The following ITPR2 variants were observed in gnomAD, a reference collection of about 807,000 sequenced individuals.
ITPR2 encodes the protein inositol 1,4,5-trisphosphate receptor type 2.
In ITPR2, 207 loss-of-function variants were observed where a neutral mutation model predicts 317.1. The ratio of observed to expected loss-of-function variants is 0.65; its 90% CI spans 0.58 to 0.73. The LOEUF (loss-of-function observed/expected upper bound fraction) is 0.73, where lower values mean the gene tolerates loss of function less well. Ranked by LOEUF, ITPR2 falls within the 30% of genes least tolerant of loss-of-function variation. The probability of loss-of-function intolerance (pLI) is 0.00; values close to 1 mark genes in which losing one functional copy is unlikely to be tolerated. For synonymous variants in ITPR2, 1,156 were observed against 1,149.1 expected, an observed-to-expected ratio of 1.01 and a Z score of -0.12; for missense variants, 2,613 against 3,284.0, an observed-to-expected ratio of 0.80 and a Z score of 4.99.
At chr12:26,804,973 G>T (rs997002688) in intron 1 of ITPR2, among the ~76,000 whole-genome samples, 4 of 152,004 alleles carry the variant, frequency 2.6e-5, no homozygotes, top group Admixed American at 6.6e-5. Context: ...GGGCTCAAGA[G>T]ATCCACCCAC....
At chr12:26,751,441 C>T (rs146758328) in intron 2 of ITPR2, among the ~76,000 whole-genome samples, 5 of 152,062 alleles carry the variant, frequency 3.3e-5, no homozygotes, top group Admixed American at 1.3e-4. Context: ...CTAGAACCAG[C>T]GTTGTAGCCT....
intron 45 of ITPR2, among the ~76,000 whole-genome samples, chr12:26,461,842 T>C (rs1942040150): frequency 6.6e-6 from 1 of 151,786 alleles, no homozygotes. Flanking sequence ...CAAGGGACTT[T>C]TCAGAATTTT....
chr12:26,823,068 CT>C (rs1474156947), intron 1 of ITPR2, among the ~76,000 whole-genome samples: 1 of 152,018 alleles, frequency 6.6e-6, no homozygotes, highest in Admixed American at 6.6e-5. Context: ...ATGCCACCTC[CT>C]CCTTGAAGCT....
intron 37 of ITPR2, among the ~76,000 whole-genome samples, chr12:26,534,320 G>A (rs974662498): frequency 6.6e-6 from 1 of 152,178 alleles, no homozygotes; most frequent in African/African-American, 2.4e-5. Flanking sequence ...TTCAGAAAAT[G>A]GCAGATGTGG....
intron 12 of ITPR2, 52 bp from the exon 13 acceptor site, chr12:26,682,086 T>C (rs1299154219): frequency 2.1e-6 from 3 of 1,441,160 alleles, no homozygotes; most frequent in South Asian, 2.4e-5. Flanking sequence ...TACAATATTC[T>C]TTGAAGACTA....
chr12:26,644,210 T>C (rs1459882285), intron 21 of ITPR2, among the ~76,000 whole-genome samples: 1 of 152,118 alleles, frequency 6.6e-6, no homozygotes, highest in Non-Finnish European at 1.5e-5. Flanking sequence ...CACTTTCCCA[T>C]ACCCTGTGAC....
chr12:26,534,091 G>A (rs1015779205), intron 37 of ITPR2, among the ~76,000 whole-genome samples: 2 of 152,140 alleles, frequency 1.3e-5, no homozygotes, highest in South Asian at 2.1e-4. Flanking sequence ...TCCTAACCCC[G>A]TGGAGACACC....
intron 2 of ITPR2, among the ~76,000 whole-genome samples, chr12:26,734,751 T>C (rs879810945): frequency 6.6e-6 from 1 of 152,152 alleles, no homozygotes; most frequent in Non-Finnish European, 1.5e-5. Context: ...GCTGTTCTCA[T>C]ATGGGTGACC....
intron 37 of ITPR2, among the ~76,000 whole-genome samples, chr12:26,533,444 C>T (rs1016548098): frequency 3.9e-5 from 6 of 152,170 alleles, no homozygotes; most frequent in Non-Finnish European, 8.8e-5. Context: ...GCAAAATGCG[C>T]ACAAGAGAAG....
chr12:26,370,023 T>C (rs9645742), intron 55 of ITPR2, among the ~76,000 whole-genome samples: 148,737 of 152,256 alleles, frequency 0.98, 72,748 homozygotes, highest in South Asian at 1. Flanking sequence ...AGAAGCCCTG[T>C]GTTCAAAACC....
At chr12:26,821,185 T>G (rs985371062) in intron 1 of ITPR2, among the ~76,000 whole-genome samples, 7 of 152,200 alleles carry the variant, frequency 4.6e-5, no homozygotes, top group African/African-American at 1.7e-4. Flanking sequence ...AATCTGACTA[T>G]TAAGATGCCT....
chr12:26,593,010 A>G (rs1358144643), intron 32 of ITPR2, among the ~76,000 whole-genome samples: 1 of 152,208 alleles, frequency 6.6e-6, no homozygotes, highest in East Asian at 1.9e-4. Context: ...AATTTATTGT[A>G]TTCATTTTAC....
At position 26,486,169 on chromosome 12, in the gene ITPR2, C is replaced by T. The variant is rs1156767315; in HGVS notation, c.5746G>A (p.Ala1916Thr). The T allele has an allele frequency of 2.5e-6, 4 of 1,614,152 alleles. No individual in the cohort carries two copies. The highest frequency in any genetic ancestry group is 1.3e-5 in the African/African-American group (1 of 75,054). ...AATCTCAGTATTGGCTGCATGATGGCAATTGCGGGACTCATTGTTACTTCC... is the reference window on the plus strand; with the variant it reads ...AATCTCAGTATTGGCTGCATGATGGTAATTGCGGGACTCATTGTTACTTCC... ...AEEVTMSPAI[A>T]IMQPILRFLQ... is the part of the protein sequence containing the mutation. Residue 1916 changes from alanine to threonine, a missense_variant, in exon 41 of 57, where the codon GCC becomes ACC. By Grantham distance (58) the Ala-to-Thr change is moderately conservative. Transcript: ENST00000381340.
chr12:26,749,081 G>T (rs1278308726), intron 2 of ITPR2, among the ~76,000 whole-genome samples: 1 of 152,150 alleles, frequency 6.6e-6, no homozygotes, highest in African/African-American at 2.4e-5. Context: ...TCAAATACCT[G>T]CAGTCTTTCT....
chr12:26,398,889 A>C lies in ITPR2; in HGVS notation c.7683T>G (p.Thr2561=), dbSNP rs1425961252. The C allele has an allele frequency of 1.2e-6, 2 of 1,610,198 alleles. No homozygotes were observed. The highest frequency in any genetic ancestry group is 1.7e-6 in the Non-Finnish European group (2 of 1,178,930). Residue 2561 remains threonine, a synonymous_variant, in exon 54 of 57, where the codon ACT becomes ACG. Coordinates refer to ENST00000381340, the MANE Select transcript of ITPR2 (RefSeq NM_002223.4). The part of the protein sequence containing the change: ...KQKKEEILKT[T]CFICGLERDK... ...CCGAACACTTACCACAGATGAAACA[A>C]GTTGTCTTTAGAATTTCTTCTTTTT... is the stretch of plus-strand genomic sequence containing the variant.
At chr12:26,469,079 G>A (rs1942240530) in intron 45 of ITPR2, among the ~76,000 whole-genome samples, 1 of 152,172 alleles carries the variant, frequency 6.6e-6, no homozygotes, top group African/African-American at 2.4e-5. Context: ...CCTAGGGGAA[G>A]TAGATCTTGT....
At chr12:26,715,271 T>G in intron 8 of ITPR2, 28 bp downstream of exon 8, 1 of 1,580,438 alleles carries the variant, frequency 6.3e-7, no homozygotes, top group Non-Finnish European at 8.6e-7. Flanking sequence ...TCTAAATATT[T>G]ATTAAGTGCC....
intron 2 of ITPR2, among the ~76,000 whole-genome samples, chr12:26,783,496 G>A (rs1375978152): frequency 6.6e-6 from 1 of 152,156 alleles, no homozygotes; most frequent in Non-Finnish European, 1.5e-5. Flanking sequence ...GTTGATTTAA[G>A]TGGACTTCTC....
rs185595802 is a variant in ITPR2 at position 26,705,314 on chromosome 12, A to G, written c.951+5859T>C. Among the ~76,000 whole-genome samples, 43 of 152,306 alleles carry G rather than the reference A, an allele frequency of 2.8e-4. No homozygotes were observed. In the East Asian group the frequency reaches 7.9e-3, roughly 28 times the overall value. On this transcript the variant is annotated intron_variant, in intron 9 of 56. Coordinates refer to ENST00000381340, the MANE Select transcript of ITPR2 (RefSeq NM_002223.4). ...TGATTGCATTCTTGCCAGCTGATGT[A>G]AGCAGATTTGTTTCTGGCCTGTTTA... is the stretch of plus-strand genomic sequence containing the variant.
Sources: allele counts gnomAD v4.1 joint callset (sites outside exome capture counted in the v4.1 genomes callset), GRCh38; gene constraint gnomAD v4.1.1; transcripts MANE v1.5; gene names NCBI Gene and HGNC (gene_info 2026-07-23, HGNC 2026-07-21).